The following DUSP22 variants were observed in gnomAD, a reference collection of about 807,000 sequenced individuals.
DUSP22 encodes the protein dual specificity protein phosphatase 22.
A neutral mutation model predicts 24.5 loss-of-function variants in DUSP22; 24 were observed. The ratio of observed to expected loss-of-function variants is 0.98; its 90% CI spans 0.71 to 1.38. The LOEUF (loss-of-function observed/expected upper bound fraction) is 1.38, where lower values mean the gene tolerates loss of function less well. Among genes scored for constraint, DUSP22 ranks in the 40% most tolerant of loss-of-function variants. The pLI is 0.00. For synonymous variants in DUSP22, 160 were observed against 106.4 expected (o/e 1.50, Z -3.10); for missense variants, 330 against 269.2 (o/e 1.23, Z -1.58).
chr6:309,943 G>T (rs1454518571), intron 2 of DUSP22, among the ~76,000 whole-genome samples: 1 of 145,990 alleles, frequency 6.8e-6, no homozygotes, highest in African/African-American at 2.4e-5. Flanking sequence ...GCCTTTCTTT[G>T]TTGTTGTTGT....
intron 4 of DUSP22, among the ~76,000 whole-genome samples, chr6:338,342 T>TGTTC (rs1759453055): frequency 6.6e-6 from 1 of 152,308 alleles, no homozygotes; most frequent in African/African-American, 2.4e-5. Flanking sequence ...CTGTTACAAG[T>TGTTC]GTTCTACTGG....
At chr6:318,901 C>T (rs1581164421) in intron 3 of DUSP22, among the ~76,000 whole-genome samples, 1 of 152,422 alleles carries the variant, frequency 6.6e-6, no homozygotes, top group African/African-American at 2.4e-5. Context: ...TGTGTGTTCA[C>T]AGGGTTAAGT....
chr6:296,736 G>T (rs1010379344), intron 1 of DUSP22, among the ~76,000 whole-genome samples: 11 of 152,306 alleles, frequency 7.2e-5, no homozygotes, highest in Non-Finnish European at 1.6e-4. Context: ...AGAGAAGGCT[G>T]CCCCAAATGC....
At chr6:326,162 T>C (rs1435669970) in intron 3 of DUSP22, 10 of 243,378 alleles carry the variant, frequency 4.1e-5, no homozygotes, top group African/African-American at 2.2e-4. Context: ...TGTCCTGGTG[T>C]GTGCAGTGCT....
intron 3 of DUSP22, among the ~76,000 whole-genome samples, chr6:329,538 C>T (rs1016582389): frequency 7.9e-5 from 12 of 152,264 alleles, no homozygotes; most frequent in Non-Finnish European, 1.3e-4. Context: ...CTGCAACCTC[C>T]ACCTCCTGGG....
At chr6:329,696 C>A (rs2127409733) in intron 3 of DUSP22, among the ~76,000 whole-genome samples, 2 of 152,428 alleles carry the variant, frequency 1.3e-5, no homozygotes, top group East Asian at 3.8e-4. Flanking sequence ...TCGTGGCTCA[C>A]CTGCCTTGCC....
At chr6:299,116 T>G (rs1757469396) in intron 1 of DUSP22, among the ~76,000 whole-genome samples, 1 of 152,304 alleles carries the variant, frequency 6.6e-6, no homozygotes, top group Admixed American at 6.5e-5. Context: ...TACTTCAGCA[T>G]AGTGGGACAT....
intron 3 of DUSP22, among the ~76,000 whole-genome samples, chr6:312,966 ATTT>A (rs5873738): frequency 7.0e-6 from 1 of 142,542 alleles, no homozygotes; most frequent in African/African-American, 2.6e-5. Context: ...TTAGCTCATA[ATTT>A]TTTTTTTTTT....
At chr6:312,236 C>T (rs1365773230) in intron 3 of DUSP22, among the ~76,000 whole-genome samples, 8 of 152,310 alleles carry the variant, frequency 5.3e-5, no homozygotes, top group Non-Finnish European at 1.2e-4. Flanking sequence ...GCATTTCCCT[C>T]TGGACCTTAA....
intron 4 of DUSP22, 122 bp from the exon 5 acceptor site, chr6:345,732 A>G (rs1207224435): frequency 4.2e-6 from 5 of 1,184,584 alleles, no homozygotes; most frequent in Admixed American, 2.2e-5. Flanking sequence ...ATGTAGAATT[A>G]TGTGTCAATT....
Position 326,020 on chromosome 6 carries a change from C to T in DUSP22, c.139-9094C>T, listed in dbSNP as rs866763042. 6.2e-3 allele frequency: 1,383 copies of T among 224,774 alleles called. 2 individuals are homozygous for T. The highest frequency in any genetic ancestry group is 0.035 in the African/African-American group (1,302 of 37,190). The allele number at this position is 224,774 out of a possible 1,614,324, so 13.9% of individuals were successfully genotyped here. A position where few individuals can be genotyped will look rare whatever the true frequency, so the allele number is the denominator to read the frequency against. On this transcript the variant is annotated intron_variant, in intron 3 of 6. Coordinates refer to ENST00000419235, the MANE Select transcript of DUSP22 (RefSeq NM_001286555.3). ...TGCCTGGAGAGTCATCTGCCCTGGG[C>T]TTCTGCGTTCTGGTGTGTGCAGTGC... is the stretch of plus-strand genomic sequence containing the variant.
chr6:304,443 G>C (rs1190312800), intron 1 of DUSP22, among the ~76,000 whole-genome samples, 185 bp from the exon 2 acceptor site: 1 of 152,312 alleles, frequency 6.6e-6, no homozygotes, highest in Non-Finnish European at 1.5e-5. Context: ...GAGTCGATGG[G>C]CACCAACCCA....
At chr6:302,651 G>A (rs748394697) in intron 1 of DUSP22, among the ~76,000 whole-genome samples, 36 of 152,292 alleles carry the variant, frequency 2.4e-4, no homozygotes, top group East Asian at 5.8e-4. Flanking sequence ...ACTATGATAC[G>A]TTCTCTGACT....
intron 1 of DUSP22, among the ~76,000 whole-genome samples, chr6:294,318 G>A (rs1388978461): frequency 6.6e-6 from 1 of 152,180 alleles, no homozygotes; most frequent in African/African-American, 2.4e-5. Context: ...TATTGATTAT[G>A]TACATACTAT....
intron 3 of DUSP22, among the ~76,000 whole-genome samples, chr6:322,833 G>A (rs892243201): frequency 0.01 from 917 of 91,562 alleles, no homozygotes; most frequent in African/African-American, 0.03. Context: ...TGCTTGGTGG[G>A]GCGGGGGGGG....
intron 3 of DUSP22, among the ~76,000 whole-genome samples, chr6:326,808 A>G (rs1431369613): frequency 6.6e-6 from 1 of 152,312 alleles, no homozygotes; most frequent in Non-Finnish European, 1.5e-5. Context: ...GCAAAGGAGA[A>G]TTGAGCACAG....
rs1581198237 is a variant in DUSP22, at chr6:349,212, T to C, written c.*261T>C. 4 of 1,396,232 alleles carry C rather than the reference T, an allele frequency of 2.9e-6. No individual in the cohort carries two copies. In the East Asian group the frequency reaches 1.1e-4, roughly 38 times the overall value. 86.5% of individuals were successfully genotyped at this position (1,396,232 alleles called of 1,614,324 possible). A position where few individuals can be genotyped will look rare whatever the true frequency, so the allele number is the denominator to read the frequency against. On this transcript the variant is annotated 3_prime_UTR_variant, in exon 7 of 7. Transcript: ENST00000419235. ...GTGCACTGCTCTGTGCACGTGCGTG[T>C]GTGTGAGTGCACTTGTGTGTGGGTG...
At position 349,397 on chromosome 6, in the gene DUSP22, T is replaced by C; in HGVS notation, c.*446T>C. ...CACAGAATTCATATTGCTGCCCGGG[T>C]TGGTGTGGCCACCTTTCCCTTTGTC... On this transcript the variant is annotated 3_prime_UTR_variant, in exon 7 of 7. Transcript: ENST00000419235. 1 of 1,020,922 alleles carries C rather than the reference T, an allele frequency of 9.8e-7. No homozygotes were observed. 63.2% of individuals were successfully genotyped at this position (1,020,922 alleles called of 1,614,324 possible).
At chr6:333,307 T>G (rs890629886) in intron 3 of DUSP22, among the ~76,000 whole-genome samples, 1 of 152,302 alleles carries the variant, frequency 6.6e-6, no homozygotes, top group Non-Finnish European at 1.5e-5. Flanking sequence ...GAAGCCCATT[T>G]GGTCTTAAGT....
Sources: allele counts gnomAD v4.1 joint callset (sites outside exome capture counted in the v4.1 genomes callset), GRCh38; gene constraint gnomAD v4.1.1; transcripts MANE v1.5; gene names NCBI Gene and HGNC (gene_info 2026-07-23, HGNC 2026-07-21).